Variants in ZNF777 observed in about 807,000 individuals in gnomAD.
ZNF777 encodes zinc finger protein 777.
A neutral mutation model predicts 72.1 loss-of-function variants in ZNF777; 7 were observed. The ratio of observed to expected loss-of-function variants is 0.10; its 90% CI spans 0.06 to 0.18. The LOEUF is 0.18. ZNF777 is among the 10% of genes least tolerant of loss of function. The probability of loss-of-function intolerance (pLI) is 1.00; values close to 1 mark genes in which losing one functional copy is unlikely to be tolerated. For missense variants in ZNF777, 828 were observed against 1,128.6 expected, an observed-to-expected ratio of 0.73 and a Z score of 3.82; for synonymous variants, 545 against 483.5, an observed-to-expected ratio of 1.13 and a Z score of -1.67.
Position 149,437,802 on chromosome 7 carries a change from TTTC to T in ZNF777, c.1088-979_1088-977del, listed in dbSNP as rs1247848638. On this transcript the variant is annotated intron_variant, in intron 4 of 5. Coordinates refer to ENST00000247930, the MANE Select transcript of ZNF777 (RefSeq NM_015694.3). ...ATACACATTTATATGTTTGTTTCTT[TTTC>T]TTTTTTTTTTTTTTTTGTCACTATT... is the stretch of plus-strand genomic sequence containing the variant. 3.9e-3 allele frequency among the ~76,000 whole-genome samples: 320 copies of T among 81,934 alleles called. 4 individuals carry two copies. Among genetic ancestry groups the T allele is most frequent in the Middle Eastern group, 0.027 (4 of 150 alleles). The allele number at this position is 81,934 out of a possible 152,430, so 53.8% of individuals were successfully genotyped here.
Position 149,460,607 on chromosome 7 carries a change from C to G in ZNF777, c.-16+208G>C, listed in dbSNP as rs1184215635. Among the ~76,000 whole-genome samples, 1 of 152,182 alleles carries G rather than the reference C, an allele frequency of 6.6e-6. No homozygotes were observed. Among genetic ancestry groups the G allele is most frequent in the African/African-American group, 2.4e-5 (1 of 41,556 alleles). ...ACAAACTGCATCCTGGGAGGCATGT[C>G]CCTCTCAGGCCGTTTAAAGAGAAAC... is the stretch of plus-strand genomic sequence containing the variant. On this transcript the variant is annotated intron_variant, in intron 1 of 5. Transcript: ENST00000247930. This position sits in a 1 kb window ranked among gnomAD's most constrained non-coding sequence, Gnocchi z 6.1.
intron 4 of ZNF777, among the ~76,000 whole-genome samples, chr7:149,439,556 C>A (rs1585691126): frequency 2.0e-5 from 3 of 152,314 alleles, no homozygotes; most frequent in Middle Eastern, 6.8e-3. Context: ...TGAACAAATT[C>A]TTCTTTGATA....
intron 4 of ZNF777, among the ~76,000 whole-genome samples, chr7:149,443,791 C>T (rs1156328605): frequency 6.6e-6 from 1 of 152,172 alleles, no homozygotes; most frequent in Non-Finnish European, 1.5e-5. Context: ...TGGGGTTTTA[C>T]CATGTTGCCC....
intron 4 of ZNF777, among the ~76,000 whole-genome samples, chr7:149,448,332 T>G (rs1350743921): frequency 6.6e-6 from 1 of 150,972 alleles, no homozygotes; most frequent in African/African-American, 2.4e-5. Flanking sequence ...TAGCTGGGCG[T>G]GGTGGCACAC....
chr7:149,432,790 C>T lies in ZNF777; in HGVS notation c.1482G>A (p.Glu494=), dbSNP rs765451167. ...ASMYQTPLPG[E]MSPEGEESPP... ...GGCTCTCCTCGCCCTCGGGGGACAT[C>T]TCCCCGGGCAGCGGGGTCTGGTACA... Residue 494 remains glutamate (E), a synonymous_variant, in exon 6 of 6, where the codon GAG becomes GAA. Coordinates refer to ENST00000247930, the MANE Select transcript of ZNF777 (RefSeq NM_015694.3). 5.0e-6 allele frequency: 8 copies of T among 1,608,564 alleles called. No individual in the cohort carries two copies. The highest frequency in any genetic ancestry group is 6.8e-6 in the Non-Finnish European group (8 of 1,176,100).
At chr7:149,459,742 G>A (rs1815108105) in intron 1 of ZNF777, 1 of 985,100 alleles carries the variant, frequency 1.0e-6, no homozygotes, top group African/African-American at 1.7e-5. Context: ...GGAGAGCCGC[G>A]TCAGCGCCGC....
chr7:149,453,946 G>A (rs1220030615), intron 3 of ZNF777, among the ~76,000 whole-genome samples, 165 bp downstream of exon 3: 2 of 152,234 alleles, frequency 1.3e-5, no homozygotes, highest in African/African-American at 4.8e-5. Flanking sequence ...GCACTGATGT[G>A]TGTGGGTATA....
chr7:149,451,938 G>C (rs10282239), intron 3 of ZNF777, among the ~76,000 whole-genome samples: 1 of 152,132 alleles, frequency 6.6e-6, no homozygotes, highest in Non-Finnish European at 1.5e-5. Context: ...GTAATTCATA[G>C]AAGAAATATG....
In ZNF777 at chr7:149,432,196, G is replaced by C; in HGVS notation, c.2076C>G (p.Val692=). 1 of 1,605,670 alleles carries C rather than the reference G, an allele frequency of 6.2e-7. No homozygotes were observed. The highest frequency in any genetic ancestry group is 2.2e-5 in the East Asian group (1 of 44,786). ...TGCCGCACAGGCTGCAGATGAAGGA[G>C]ACCTCATGCTTGCCCGCGTGCACGC... ...HQRVHAGKHE[V]SFICSLCGKS... Residue 692 remains valine (V), a synonymous_variant, in exon 6 of 6, where the codon GTC becomes GTG. Transcript: ENST00000247930.
intron 2 of ZNF777, among the ~76,000 whole-genome samples, chr7:149,454,664 C>T (rs997929225): frequency 6.6e-6 from 1 of 152,208 alleles, no homozygotes; most frequent in Non-Finnish European, 1.5e-5. Context: ...CAAGCCAGTC[C>T]ACACTCAAGC....
At chr7:149,445,702 G>A (rs1056068687) in intron 4 of ZNF777, among the ~76,000 whole-genome samples, 1 of 152,112 alleles carries the variant, frequency 6.6e-6, no homozygotes, top group Non-Finnish European at 1.5e-5. Context: ...ACTGTGCCTG[G>A]TGCCCATGTC....
Position 149,431,807 on chromosome 7 carries a change from T to C in ZNF777, c.2465A>G (p.Lys822Arg). ...AKCFRYKQSL[K>R]YHLRTHTGE ...GCCCGTGTGGGTCCGCAGGTGGTAC[T>C]TGAGCGACTGCTTGTAGCGGAAGCA... Residue 822 changes from lysine to arginine, a missense_variant, in exon 6 of 6, where the codon AAG becomes AGG. Around this residue, in one of 12 missense-constraint regions of ZNF777, gnomAD observed 17 missense variants for 36.1 expected, o/e 0.47. Coordinates refer to ENST00000247930, the MANE Select transcript of ZNF777 (RefSeq NM_015694.3). 6.2e-7 allele frequency: 1 copy of C among 1,600,666 alleles called. No individual in the cohort carries two copies. The highest frequency in any genetic ancestry group is 8.5e-7 in the Non-Finnish European group (1 of 1,178,698).
chr7:149,436,521 C>A lies in ZNF777; in HGVS notation c.1339+54G>T, dbSNP rs143148116. 1 of 1,533,114 alleles carries A rather than the reference C, an allele frequency of 6.5e-7. No homozygotes were observed. Among genetic ancestry groups the A allele is most frequent in the African/African-American group, 1.4e-5 (1 of 73,614 alleles). The allele number at this position is 1,533,114 out of a possible 1,614,324, so 95.0% of individuals were successfully genotyped here. The stretch of plus-strand genomic sequence containing the variant: ...CACAGCTTTCCCAGGGGGCAGGGGC[C>A]CTCTGGGAGGCCTCATGGCAACCCT... On this transcript the variant is annotated intron_variant, in intron 5 of 5. Coordinates refer to ENST00000247930, the MANE Select transcript of ZNF777 (RefSeq NM_015694.3). This position sits in a 1 kb window ranked among gnomAD's most constrained non-coding sequence, Gnocchi z 5.0.
intron 4 of ZNF777, among the ~76,000 whole-genome samples, chr7:149,448,536 T>G (rs1211236596): frequency 7.2e-6 from 1 of 139,074 alleles, no homozygotes; most frequent in Non-Finnish European, 1.5e-5. Context: ...TACATATAGT[T>G]ATATATATAG....
At position 149,432,802 on chromosome 7, in the gene ZNF777, C is replaced by G. The variant is rs75104198; in HGVS notation, c.1470G>C (p.Pro490=). Residue 490 remains proline (P), a synonymous_variant, in exon 6 of 6, where the codon CCG becomes CCC. Coordinates refer to ENST00000247930, the MANE Select transcript of ZNF777 (RefSeq NM_015694.3). ...CCTCGGGGGACATCTCCCCGGGCAG[C>G]GGGGTCTGGTACATACTGGCCTCAT... is the stretch of plus-strand genomic sequence containing the variant. ...GRYEASMYQT[P]LPGEMSPEGE... The G allele has an allele frequency of 5.4e-3, 8,614 of 1,607,390 alleles. 396 individuals are homozygous for G. The African/African-American group carries it at 0.1, about 19-fold the overall frequency.
rs376595297 is a variant in ZNF777, at chr7:149,455,885, C to T, written c.138G>A (p.Leu46=). 6.2e-7 allele frequency: 1 copy of T among 1,613,134 alleles called. No homozygotes were observed. The highest frequency in any genetic ancestry group is 8.5e-7 in the Non-Finnish European group (1 of 1,179,864). The change falls in exon 2 of 6, where the codon TTG becomes TTA. Residue 46 remains leucine, a synonymous_variant. Transcript: ENST00000247930. This position sits in a 1 kb window ranked among gnomAD's most constrained non-coding sequence, Gnocchi z 4.2. ...AGCCTTGACGGGGAATGGTGGGAGACAAAGAAGGAATTTCTTTGGGAGGAA... is the reference window on the plus strand; with the variant it reads ...AGCCTTGACGGGGAATGGTGGGAGATAAAGAAGGAATTTCTTTGGGAGGAA... ...RVLPPKEIPS[L]SPTIPRQGSL...
intron 4 of ZNF777, among the ~76,000 whole-genome samples, chr7:149,440,967 C>T (rs775208964): frequency 2.0e-5 from 3 of 152,134 alleles, no homozygotes; most frequent in Admixed American, 6.5e-5. Context: ...CTCAGCTGGA[C>T]GTAGCTGTGC....
intron 4 of ZNF777, among the ~76,000 whole-genome samples, chr7:149,449,103 C>A (rs1799668119): frequency 6.6e-6 from 1 of 152,216 alleles, no homozygotes; most frequent in Non-Finnish European, 1.5e-5. Context: ...AGTGCTACGG[C>A]TCTGATACCT....
At chr7:149,448,589 A>C (rs376832402) in intron 4 of ZNF777, among the ~76,000 whole-genome samples, 1 of 52,400 alleles carries the variant, frequency 1.9e-5, no homozygotes, top group East Asian at 8.1e-4. Context: ...CTATATATAT[A>C]TATATATATA....
Sources: allele counts gnomAD v4.1 joint callset (sites outside exome capture counted in the v4.1 genomes callset), GRCh38; gene constraint gnomAD v4.1.1; regional missense constraint gnomAD v4.1.1; non-coding constraint Gnocchi (gnomAD v3.1); transcripts MANE v1.5; gene names NCBI Gene and HGNC (gene_info 2026-07-23, HGNC 2026-07-21).